The following COL11A1 variants were observed in gnomAD, a reference collection of about 807,000 sequenced individuals.
The protein encoded by COL11A1 is collagen alpha-1(XI) chain.
COL11A1 carries 74 observed loss-of-function variants against 265.2 expected under a neutral mutation model. That is an observed-to-expected ratio of 0.28 (90% confidence interval 0.23 to 0.34). The LOEUF is 0.34. Ranked by LOEUF, COL11A1 falls within the 10% of genes least tolerant of loss-of-function variation. The pLI is 1.00. For synonymous variants in COL11A1, 816 were observed against 727.6 expected, an observed-to-expected ratio of 1.12 and a Z score of -1.96; for missense variants, 2,165 against 2,263.6, an observed-to-expected ratio of 0.96 and a Z score of 0.88.
rs139726483 is a variant in COL11A1 at position 102,898,681 on chromosome 1, G to A, written c.4233C>T (p.Gly1411=). The A allele has an allele frequency of 2.0e-5, 33 of 1,612,076 alleles. No individual in the cohort carries two copies. Among genetic ancestry groups the A allele is most frequent in the Non-Finnish European group, 2.7e-5 (32 of 1,178,912 alleles). ...AGATGCTCACCACAGGACCAGGGAT[G>A]CCCCGAAGACCTTCTGGACCAGGCT... ...AGKPGPEGLR[G]IPGPVGEQGL... Residue 1411 remains glycine (G), a synonymous_variant, in exon 56 of 67, where the codon GGC becomes GGT. Coordinates refer to ENST00000370096, the MANE Select transcript of COL11A1 (RefSeq NM_001854.4).
chr1:102,957,254 T>C (rs1660468149), intron 41 of COL11A1, among the ~76,000 whole-genome samples: 1 of 152,068 alleles, frequency 6.6e-6, no homozygotes, highest in African/African-American at 2.4e-5. Context: ...CTTGAATGGA[T>C]ACATTAGAAT....
chr1:103,077,944 T>C (rs1672104231), intron 3 of COL11A1, among the ~76,000 whole-genome samples: 1 of 152,088 alleles, frequency 6.6e-6, no homozygotes. Context: ...AAGGAATCAA[T>C]AAAACTAAAT....
At chr1:103,083,253 TGTGTGTGTGTGTGC>T (rs1270368471) in intron 1 of COL11A1, among the ~76,000 whole-genome samples, 2 of 106,674 alleles carry the variant, frequency 1.9e-5, no homozygotes. Flanking sequence ...TGTGTCTGTG[TGTGTGTGTGTGTGC>T]GTGTGTGTGT....
Position 103,031,099 on chromosome 1 carries a change from G to A in COL11A1, c.780+17C>T. ...TCACTGAAATACGAAGACCTTCTCT[G>A]GTCTTGTGCTCCTCACCTCATCTAT... On this transcript the variant is annotated intron_variant, in intron 5 of 66. Transcript: ENST00000370096. The A allele has an allele frequency of 6.2e-7, 1 of 1,613,010 alleles. No homozygotes were observed. Among genetic ancestry groups the A allele is most frequent in the Non-Finnish European group, 8.5e-7 (1 of 1,179,400 alleles).
chr1:102,885,757 G>C (rs906203469), intron 63 of COL11A1, among the ~76,000 whole-genome samples: 2 of 151,930 alleles, frequency 1.3e-5, no homozygotes, highest in Admixed American at 1.3e-4. Flanking sequence ...TACATCTTTT[G>C]CTTAAATAAC....
chr1:102,907,901 G>A (rs1359560355), intron 54 of COL11A1, among the ~76,000 whole-genome samples: 1 of 151,972 alleles, frequency 6.6e-6, no homozygotes, highest in Non-Finnish European at 1.5e-5. Context: ...TGTGCAAAAT[G>A]TCATCTAGGA....
chr1:102,946,542 A>C (rs1659292496), intron 42 of COL11A1, among the ~76,000 whole-genome samples: 1 of 152,038 alleles, frequency 6.6e-6, no homozygotes, highest in African/African-American at 2.4e-5. Flanking sequence ...GTAAAGCAGC[A>C]AGGTATAGCT....
Position 103,106,799 on chromosome 1 carries a change from A to T in COL11A1, c.106+1274T>A, listed in dbSNP as rs141517098. 2.6e-4 allele frequency among the ~76,000 whole-genome samples: 39 copies of T among 152,238 alleles called. No homozygotes were observed. The Middle Eastern group carries it at 0.01, about 40-fold the overall frequency. ...AGCCACTAAGCGTGTGGAAGGAATA[A>T]CCTGGTCTCAGAGATCGGCCTCCGG... On this transcript the variant is annotated intron_variant, in intron 1 of 66. Coordinates refer to ENST00000370096, the MANE Select transcript of COL11A1 (RefSeq NM_001854.4).
chr1:102,947,112 T>G (rs1659375927), intron 41 of COL11A1, among the ~76,000 whole-genome samples, 156 bp from the exon 42 acceptor site: 1 of 152,158 alleles, frequency 6.6e-6, no homozygotes, highest in Admixed American at 6.5e-5. Context: ...AACAGTTGAA[T>G]CCACTATTTG....
intron 3 of COL11A1, among the ~76,000 whole-genome samples, chr1:103,075,370 A>C (rs894686233): frequency 1.3e-5 from 2 of 152,128 alleles, no homozygotes; most frequent in Non-Finnish European, 2.9e-5. Context: ...ACAGTTATAG[A>C]TCACTACTGT....
At chr1:102,905,707 A>G (rs952355726) in intron 54 of COL11A1, among the ~76,000 whole-genome samples, 5 of 152,142 alleles carry the variant, frequency 3.3e-5, no homozygotes, top group African/African-American at 9.7e-5. Context: ...TTGTTCTCAT[A>G]GGAAATTCTT....
intron 46 of COL11A1, among the ~76,000 whole-genome samples, chr1:102,925,781 A>G (rs1656530593): frequency 6.6e-6 from 1 of 152,110 alleles, no homozygotes; most frequent in South Asian, 2.1e-4. Context: ...GTATATTTTA[A>G]CACAGTTTAA....
intron 28 of COL11A1, among the ~76,000 whole-genome samples, chr1:102,989,824 C>G (rs990793807): frequency 2.0e-5 from 3 of 152,166 alleles, no homozygotes; most frequent in Non-Finnish European, 2.9e-5. Context: ...TTCATTAAAT[C>G]TTATTTTATG....
chr1:103,032,948 C>T (rs2102004762), intron 4 of COL11A1, among the ~76,000 whole-genome samples: 1 of 152,156 alleles, frequency 6.6e-6, no homozygotes, highest in African/African-American at 2.4e-5. Flanking sequence ...ACAGCCACAG[C>T]CTTGTCCAAC....
At chr1:102,901,929 T>C (rs1009243533) in intron 54 of COL11A1, among the ~76,000 whole-genome samples, 5 of 152,170 alleles carry the variant, frequency 3.3e-5, no homozygotes, top group Admixed American at 2.6e-4. Flanking sequence ...ATTCACAGAA[T>C]TTAGTCACAA....
chr1:103,004,589 A>G lies in COL11A1; in HGVS notation c.1899+19T>C. 6.3e-7 allele frequency: 1 copy of G among 1,599,344 alleles called. No individual in the cohort carries two copies. Among genetic ancestry groups the G allele is most frequent in the Non-Finnish European group, 8.5e-7 (1 of 1,170,864 alleles). ...GTTTTAATTTTAAATATTTCTTAAG[A>G]AAAGAAGTATTAACATACCCTCATT... On this transcript the variant is annotated intron_variant, in intron 19 of 66. Transcript: ENST00000370096.
intron 9 of COL11A1, 100 bp from the exon 10 acceptor site, chr1:103,018,959 G>A (rs968989558): frequency 8.6e-6 from 8 of 925,184 alleles, no homozygotes; most frequent in Non-Finnish European, 1.0e-5. Flanking sequence ...ATATTAAATA[G>A]TGAATTATCT....
At chr1:102,890,394 G>T (rs943140087) in intron 58 of COL11A1, 57 bp downstream of exon 58, 1 of 1,382,562 alleles carries the variant, frequency 7.2e-7, no homozygotes. Context: ...GCAAAAGCAG[G>T]GCTATTAGTA....
intron 42 of COL11A1, among the ~76,000 whole-genome samples, chr1:102,942,134 C>T (rs1446325761): frequency 6.6e-6 from 1 of 152,126 alleles, no homozygotes; most frequent in Admixed American, 6.6e-5. Flanking sequence ...TATTTCAAAT[C>T]TATCAATACT....
Sources: allele counts gnomAD v4.1 joint callset (sites outside exome capture counted in the v4.1 genomes callset), GRCh38; gene constraint gnomAD v4.1.1; transcripts MANE v1.5; gene names NCBI Gene and HGNC (gene_info 2026-07-23, HGNC 2026-07-21).